FRS2: variants seen among roughly 807,000 people sequenced by gnomAD.
FRS2 encodes the protein FGFR signalling adaptor.
Under a neutral mutation model 43.9 loss-of-function variants are expected in FRS2, and 8 were observed. The observed-to-expected ratio is 0.18, with a 90% CI of 0.11 to 0.33. The LOEUF (loss-of-function observed/expected upper bound fraction) is 0.33, where lower values mean the gene tolerates loss of function less well. FRS2 is among the 10% of genes least tolerant of loss of function. The pLI, the probability that FRS2 is intolerant of heterozygous loss-of-function variation, is 1.00. For missense variants in FRS2, 534 were observed against 627.6 expected (o/e 0.85, Z 1.59); for synonymous variants, 219 against 220.3 (o/e 0.99, Z 0.05).
chr12:69,570,589 T>A, intron 6 of FRS2, 72 bp downstream of exon 6: 3 of 871,070 alleles, frequency 3.4e-6, no homozygotes, highest in South Asian at 3.3e-5. Flanking sequence ...ATACAAAGAT[T>A]AAATTAATAT....
chr12:69,536,965 A>G (rs73341762), intron 3 of FRS2, among the ~76,000 whole-genome samples: 1,559 of 152,176 alleles, frequency 0.01, 21 homozygotes, highest in African/African-American at 0.036. Context: ...TTGGACATAT[A>G]TATTTGTCTC....
intron 3 of FRS2, among the ~76,000 whole-genome samples, chr12:69,561,888 A>G (rs1488791920): frequency 1.3e-5 from 2 of 152,316 alleles, no homozygotes; most frequent in East Asian, 3.9e-4. Context: ...CTATGGAGAT[A>G]AGTATAGAGA....
At chr12:69,552,570 T>C (rs1288441631) in intron 3 of FRS2, among the ~76,000 whole-genome samples, 1 of 151,952 alleles carries the variant, frequency 6.6e-6, no homozygotes, top group Non-Finnish European at 1.5e-5. Flanking sequence ...TGCCTCTGAG[T>C]GTAGTGTCTT....
intron 3 of FRS2, among the ~76,000 whole-genome samples, chr12:69,532,752 A>G (rs1469700315): frequency 6.6e-6 from 1 of 152,228 alleles, no homozygotes; most frequent in Non-Finnish European, 1.5e-5. Context: ...GCTTTTTAAA[A>G]TAAGTATTAA....
intron 1 of FRS2, among the ~76,000 whole-genome samples, chr12:69,501,731 G>A (rs1050681105): frequency 1.3e-5 from 2 of 152,078 alleles, no homozygotes; most frequent in African/African-American, 4.8e-5. Context: ...GGGTGTGGAC[G>A]GTTGTGTGGA....
chr12:69,551,059 AGAAAG>A (rs1378497713), intron 3 of FRS2, among the ~76,000 whole-genome samples: 1 of 152,226 alleles, frequency 6.6e-6, no homozygotes, highest in Non-Finnish European at 1.5e-5. Context: ...AAAAGAAAAA[AGAAAG>A]GAAGAAAGAA....
chr12:69,575,031 C>A lies in FRS2; in HGVS notation c.*76C>A. 1 of 919,552 alleles carries A rather than the reference C, an allele frequency of 1.1e-6. No homozygotes were observed. Among genetic ancestry groups the A allele is most frequent in the Non-Finnish European group, 1.7e-6 (1 of 584,414 alleles). The allele number at this position is 919,552 out of a possible 1,614,324, so 57.0% of individuals were successfully genotyped here. A position where few individuals can be genotyped will look rare whatever the true frequency, so the allele number is the denominator to read the frequency against. ...AGATGCAAGTGCTTCATTTTCATTT[C>A]TAAACACTAACTCCTTTTATAGACT... On this transcript the variant is annotated 3_prime_UTR_variant, in exon 9 of 9. Transcript: ENST00000549921.
rs773180827 is a variant in FRS2 at position 69,570,455 on chromosome 12, G to A, written c.191G>A (p.Arg64His). Reference sequence around the variant, plus strand: ...AAATGGCACTACCTCTGCCTGCGACGCTATGGCTATGACTCGAATCTCTTT... The same window carrying A: ...AAATGGCACTACCTCTGCCTGCGACACTATGGCTATGACTCGAATCTCTTT... Reference protein sequence around the residue: ...SVKWHYLCLRRYGYDSNLFSF... With the variant: ...SVKWHYLCLRHYGYDSNLFSF... Residue 64 changes from arginine (R) to histidine (H), a missense_variant, in exon 6 of 9, where the codon CGC (arginine) becomes CAC (histidine). Physicochemically the swap from Arg to His is conservative, Grantham distance 29. Transcript: ENST00000549921. The A allele has an allele frequency of 3.7e-6, 6 of 1,612,410 alleles. No individual in the cohort carries two copies. Among genetic ancestry groups the A allele is most frequent in the Non-Finnish European group, 1.7e-6 (2 of 1,178,574 alleles).
intron 2 of FRS2, among the ~76,000 whole-genome samples, chr12:69,531,595 T>A (rs1876799399): frequency 6.6e-6 from 1 of 152,036 alleles, no homozygotes; most frequent in Admixed American, 6.6e-5. Context: ...TGGTCATGGT[T>A]ACAAAACTTT....
At chr12:69,570,653 A>G in intron 6 of FRS2, 136 bp downstream of exon 6, 1 of 601,316 alleles carries the variant, frequency 1.7e-6, no homozygotes, top group South Asian at 2.3e-5. Context: ...AAGATATAGT[A>G]TACTGTGTAT....
In FRS2 at chr12:69,577,642, C is replaced by A. The variant is rs2135833513; in HGVS notation, c.*2687C>A. On this transcript the variant is annotated 3_prime_UTR_variant, in exon 9 of 9. Transcript: ENST00000549921. ...ATACAAATCATAACAGCATCTATCC[C>A]ATGCTAGGGTTGGAAACTGATATTG... 6.5e-6 allele frequency: 1 copy of A among 152,686 alleles called. No individual in the cohort carries two copies. The highest frequency in any genetic ancestry group is 2.1e-4 in the South Asian group (1 of 4,818). The allele number at this position is 152,686 out of a possible 1,614,324, so 9.5% of individuals were successfully genotyped here.
chr12:69,536,017 T>G (rs1877238865), intron 3 of FRS2, among the ~76,000 whole-genome samples: 1 of 150,204 alleles, frequency 6.7e-6, no homozygotes, highest in African/African-American at 2.4e-5. Context: ...AGCCTTACAG[T>G]TTTTTTTTAA....
intron 3 of FRS2, among the ~76,000 whole-genome samples, chr12:69,548,029 A>G (rs1179341022): frequency 6.6e-6 from 1 of 151,474 alleles, no homozygotes; most frequent in Non-Finnish European, 1.5e-5. Flanking sequence ...TTTTATTATT[A>G]TTTTTTAGAG....
chr12:69,487,405 T>C (rs899310630), intron 1 of FRS2, among the ~76,000 whole-genome samples: 2 of 152,232 alleles, frequency 1.3e-5, no homozygotes, highest in Non-Finnish European at 2.9e-5. Flanking sequence ...AAATCTACTC[T>C]GTGCTTTATG....
At chr12:69,537,308 T>G (rs1877410488) in intron 3 of FRS2, among the ~76,000 whole-genome samples, 2 of 150,416 alleles carry the variant, frequency 1.3e-5, no homozygotes, top group African/African-American at 5.0e-5. Context: ...ATTGTTCCTT[T>G]TTGGATCTGA....
At chr12:69,498,094 T>C (rs1470154350) in intron 1 of FRS2, among the ~76,000 whole-genome samples, 1 of 152,216 alleles carries the variant, frequency 6.6e-6, no homozygotes, top group Non-Finnish European at 1.5e-5. Context: ...TGAGATTTAT[T>C]AACTAAAGTG....
chr12:69,557,628 G>GCGCGCA (rs1555192580), intron 3 of FRS2, among the ~76,000 whole-genome samples: 25 of 147,526 alleles, frequency 1.7e-4, no homozygotes, highest in South Asian at 6.4e-4. Context: ...GTGCGCGCGC[G>GCGCGCA]CGCGCGCGCA....
rs1472419590 is a variant in FRS2 at position 69,577,290 on chromosome 12, T to A, written c.*2335T>A. The A allele has an allele frequency of 6.6e-6, 1 of 152,188 alleles. No homozygotes were observed. The highest frequency in any genetic ancestry group is 1.5e-5 in the Non-Finnish European group (1 of 68,008). The allele number at this position is 152,188 out of a possible 1,614,324, so 9.4% of individuals were successfully genotyped here. A position where few individuals can be genotyped will look rare whatever the true frequency, so the allele number is the denominator to read the frequency against. Reference sequence around the variant, plus strand: ...ACTATAAGAGTATTAGGAAAATATATACAACTGGTGTTAATTTCTAGATAT... The same window carrying A: ...ACTATAAGAGTATTAGGAAAATATAAACAACTGGTGTTAATTTCTAGATAT... On this transcript the variant is annotated 3_prime_UTR_variant, in exon 9 of 9. Transcript: ENST00000549921.
At chr12:69,476,925 G>A (rs1422393322) in intron 1 of FRS2, among the ~76,000 whole-genome samples, 1 of 152,176 alleles carries the variant, frequency 6.6e-6, no homozygotes, top group Admixed American at 6.5e-5. Flanking sequence ...AAATGTTCAG[G>A]TTAAGTAGAA....
Sources: allele counts gnomAD v4.1 joint callset (sites outside exome capture counted in the v4.1 genomes callset), GRCh38; gene constraint gnomAD v4.1.1; transcripts MANE v1.5; gene names NCBI Gene and HGNC (gene_info 2026-07-23, HGNC 2026-07-21).